Variants in USP15 observed in about 807,000 individuals in gnomAD.
The protein encoded by USP15 is ubiquitin specific peptidase 15.
USP15 carries 18 observed loss-of-function variants against 127.1 expected under a neutral mutation model. That is an observed-to-expected ratio of 0.14 (90% CI 0.10 to 0.21). The LOEUF (loss-of-function observed/expected upper bound fraction) is 0.21. Ranked by LOEUF, USP15 falls within the 10% of genes least tolerant of loss-of-function variation. USP15 has a pLI of 1.00. For synonymous variants in USP15, 364 were observed against 393.7 expected (o/e 0.92, Z 0.89); for missense variants, 805 against 1,159.9 (o/e 0.69, Z 4.44).
chr12:62,307,060 T>C (rs2064507153), intron 3 of USP15, among the ~76,000 whole-genome samples: 1 of 152,164 alleles, frequency 6.6e-6, no homozygotes, highest in South Asian at 2.1e-4. Context: ...AGAGGACTTA[T>C]CCTACAGAAC....
intron 1 of USP15, among the ~76,000 whole-genome samples, chr12:62,288,174 T>A (rs1191770287): frequency 6.6e-6 from 1 of 152,246 alleles, no homozygotes; most frequent in Non-Finnish European, 1.5e-5. Flanking sequence ...TGTAGATTGC[T>A]TTGGGCGGGG....
At chr12:62,345,794 G>A (rs1397606797) in intron 6 of USP15, among the ~76,000 whole-genome samples, 6 of 152,150 alleles carry the variant, frequency 3.9e-5, no homozygotes, top group Non-Finnish European at 8.8e-5. Context: ...AGCAAGTCAT[G>A]TCTTACATGG....
intron 19 of USP15, 93 bp downstream of exon 19, chr12:62,393,295 G>A: frequency 7.1e-7 from 1 of 1,417,762 alleles, no homozygotes; most frequent in East Asian, 2.4e-5. Context: ...AACATCAGGT[G>A]CCATTGGACC....
At chr12:62,271,635 T>A (rs1300884405) in intron 1 of USP15, among the ~76,000 whole-genome samples, 3 of 151,950 alleles carry the variant, frequency 2.0e-5, no homozygotes, top group Non-Finnish European at 2.9e-5. Flanking sequence ...TGAGAGAATT[T>A]ATGTAGAGTC....
At chr12:62,315,533 A>T (rs919584239) in intron 4 of USP15, among the ~76,000 whole-genome samples, 2 of 152,188 alleles carry the variant, frequency 1.3e-5, no homozygotes, top group African/African-American at 4.8e-5. Context: ...AATAAAAATT[A>T]CATGGTTTTT....
chr12:62,288,836 A>G (rs1056478526), intron 1 of USP15, among the ~76,000 whole-genome samples: 4 of 152,070 alleles, frequency 2.6e-5, no homozygotes, highest in Non-Finnish European at 1.5e-5. Flanking sequence ...TTTTGCGTCT[A>G]TTGAGATTAT....
In USP15 at chr12:62,405,208, G is replaced by A. The variant is rs1279733286; in HGVS notation, c.*833G>A. Reference sequence around the variant, plus strand: ...TGTCTGTTTTTCTCTACCCCATTTTGTGGTAATTTGGCAACTTGAGCTCTC... The same window carrying A: ...TGTCTGTTTTTCTCTACCCCATTTTATGGTAATTTGGCAACTTGAGCTCTC... On this transcript the variant is annotated 3_prime_UTR_variant, in exon 22 of 22. Coordinates refer to ENST00000280377, the MANE Select transcript of USP15 (RefSeq NM_001252078.2). 6.6e-6 allele frequency: 1 copy of A among 152,040 alleles called. No individual in the cohort carries two copies. The highest frequency in any genetic ancestry group is 1.5e-5 in the Non-Finnish European group (1 of 67,978). 9.4% of individuals were successfully genotyped at this position (152,040 alleles called of 1,614,324 possible). A position where few individuals can be genotyped will look rare whatever the true frequency, so the allele number is the denominator to read the frequency against.
At chr12:62,296,624 C>G (rs1334279141) in intron 2 of USP15, among the ~76,000 whole-genome samples, 1 of 152,162 alleles carries the variant, frequency 6.6e-6, no homozygotes. Context: ...GCCCCCAACA[C>G]CCAACAGAAA....
At chr12:62,307,391 AT>A (rs2064517165) in intron 3 of USP15, among the ~76,000 whole-genome samples, 1 of 152,124 alleles carries the variant, frequency 6.6e-6, no homozygotes, top group African/African-American at 2.4e-5. Flanking sequence ...AGATTTCATA[AT>A]CGTTATGGAC....
intron 7 of USP15, among the ~76,000 whole-genome samples, chr12:62,349,914 A>G (rs2065917545): frequency 6.6e-6 from 1 of 151,992 alleles, no homozygotes; most frequent in South Asian, 2.1e-4. Flanking sequence ...ATTACCTTGA[A>G]CATTGACATG....
chr12:62,328,371 C>T, intron 6 of USP15: 1 of 430,446 alleles, frequency 2.3e-6, no homozygotes, highest in Non-Finnish European at 4.7e-6. Context: ...CATGTCAAGA[C>T]ATGGCAATGC....
intron 1 of USP15, among the ~76,000 whole-genome samples, chr12:62,277,962 A>C (rs2063540040): frequency 6.6e-6 from 1 of 152,222 alleles, no homozygotes; most frequent in South Asian, 2.1e-4. Context: ...AACCTTAAAA[A>C]TGTTTTAAAT....
chr12:62,389,336 C>T, intron 11 of USP15, 95 bp from the exon 12 acceptor site: 7 of 1,034,800 alleles, frequency 6.8e-6, no homozygotes, highest in Non-Finnish European at 8.4e-6. Context: ...ATCCAAATGC[C>T]AAATGAATGT....
In USP15 at chr12:62,349,221, G is replaced by A. The variant is rs2065902670; in HGVS notation, c.684G>A (p.Lys228=). Residue 228 remains lysine, a splice_region_variant and synonymous_variant, in exon 7 of 22, where the codon AAG becomes AAA. Coordinates refer to ENST00000280377, the MANE Select transcript of USP15 (RefSeq NM_001252078.2). The part of the protein sequence containing the change: ...GTWPRGPSTP[K]SPGASNFSTL... Reference sequence around the variant, plus strand: ...ATTTAACATTTTCATATTTTTAAAGGTCCCCAGGTGCATCCAATTTTTCAA... The same window carrying A: ...ATTTAACATTTTCATATTTTTAAAGATCCCCAGGTGCATCCAATTTTTCAA... 7 of 1,465,802 alleles carry A rather than the reference G, an allele frequency of 4.8e-6. No homozygotes were observed. The highest frequency in any genetic ancestry group is 6.3e-6 in the Non-Finnish European group (7 of 1,109,720). The allele number at this position is 1,465,802 out of a possible 1,614,324, so 90.8% of individuals were successfully genotyped here. A position where few individuals can be genotyped will look rare whatever the true frequency, so the allele number is the denominator to read the frequency against.
chr12:62,299,695 T>C (rs2064248790), intron 2 of USP15, among the ~76,000 whole-genome samples: 1 of 152,232 alleles, frequency 6.6e-6, no homozygotes, highest in Non-Finnish European at 1.5e-5. Context: ...CATGAAATTG[T>C]TGGGTCTTTT....
intron 1 of USP15, among the ~76,000 whole-genome samples, chr12:62,265,555 AT>A (rs1297731931): frequency 1.3e-5 from 2 of 152,084 alleles, no homozygotes; most frequent in African/African-American, 4.8e-5. Context: ...ATTTAAAAAA[AT>A]TTTTTCTAGA....
chr12:62,316,217 G>GGA (rs912227974), intron 4 of USP15, among the ~76,000 whole-genome samples: 1 of 151,436 alleles, frequency 6.6e-6, no homozygotes, highest in African/African-American at 2.4e-5. Flanking sequence ...ACCGGGAGGT[G>GGA]GAGGTTGCAG....
At chr12:62,294,378 T>C in intron 2 of USP15, 72 bp downstream of exon 2, 1 of 1,540,972 alleles carries the variant, frequency 6.5e-7, no homozygotes, top group Non-Finnish European at 8.7e-7. Flanking sequence ...GTGGGTTGAA[T>C]TTGGAAAATG....
chr12:62,398,315 T>C (rs1240621851), intron 20 of USP15, among the ~76,000 whole-genome samples: 1 of 152,164 alleles, frequency 6.6e-6, no homozygotes, highest in Non-Finnish European at 1.5e-5. Flanking sequence ...TTCTGTCTAA[T>C]TGATTTCTTC....
Sources: gnomAD v4.1 joint callset for allele counts (sites outside exome capture counted in the v4.1 genomes callset) on GRCh38, gnomAD v4.1.1 for gene constraint, MANE v1.5 for transcripts, NCBI Gene and HGNC (gene_info 2026-07-23, HGNC 2026-07-21) for gene names.